The following TMEM178B variants were observed in gnomAD, a reference collection of about 807,000 sequenced individuals.
The protein encoded by TMEM178B is transmembrane protein 178B.
Under a neutral mutation model 31.0 loss-of-function variants are expected in TMEM178B, and 5 were observed. The observed-to-expected ratio is 0.16, with a 90% confidence interval of 0.08 to 0.34. The LOEUF (loss-of-function observed/expected upper bound fraction) is 0.34, where lower values mean the gene tolerates loss of function less well. Ranked by LOEUF, TMEM178B falls within the 10% of genes least tolerant of loss-of-function variation. The probability of loss-of-function intolerance (pLI) is 1.00; values close to 1 mark genes in which losing one functional copy is unlikely to be tolerated. For missense variants in TMEM178B, 275 were observed against 400.3 expected (o/e 0.69, Z 2.67); for synonymous variants, 164 against 164.0 (o/e 1.00, Z 0.00).
chr7:141,489,478 G>T, the TMEM178B span, among the ~76,000 whole-genome samples: 1 of 152,090 alleles, frequency 6.6e-6, no homozygotes, highest in Non-Finnish European at 1.5e-5. Flanking sequence ...TGTTGTTAGC[G>T]ATTTTGAAGG....
intron 1 of TMEM178B, among the ~76,000 whole-genome samples, chr7:141,203,878 G>A (rs7797176): frequency 0.66 from 99,670 of 151,994 alleles, 33,076 homozygotes; most frequent in Middle Eastern, 0.7. Flanking sequence ...GGAAACACAC[G>A]GACTCTCAGA....
At chr7:141,408,084 G>A (rs1479959816) in intron 2 of TMEM178B, among the ~76,000 whole-genome samples, 1 of 152,028 alleles carries the variant, frequency 6.6e-6, no homozygotes, top group Non-Finnish European at 1.5e-5. Flanking sequence ...TTCTGACACT[G>A]AGATTTATTA....
At chr7:141,179,377 T>G (rs1462158065) in intron 1 of TMEM178B, among the ~76,000 whole-genome samples, 2 of 152,206 alleles carry the variant, frequency 1.3e-5, no homozygotes, top group African/African-American at 2.4e-5. Context: ...AAAAAGGGAC[T>G]TTTCTTGGTA....
At chr7:141,424,255 G>A (rs1801273120) in intron 2 of TMEM178B, among the ~76,000 whole-genome samples, 1 of 152,164 alleles carries the variant, frequency 6.6e-6, no homozygotes, top group Non-Finnish European at 1.5e-5. Context: ...ATGCAAAAAA[G>A]GCAATGGTGG....
intron 2 of TMEM178B, among the ~76,000 whole-genome samples, chr7:141,294,440 G>A (rs1798596585): frequency 2.0e-5 from 3 of 152,178 alleles, no homozygotes; most frequent in Non-Finnish European, 2.9e-5. Flanking sequence ...GTGCAAGCAG[G>A]TCTGGCTGGA....
intron 2 of TMEM178B, among the ~76,000 whole-genome samples, chr7:141,401,589 AT>A (rs1437276579): frequency 1.4e-5 from 2 of 143,930 alleles, no homozygotes; most frequent in Non-Finnish European, 3.0e-5. Context: ...CTATTTTTTT[AT>A]TTTTTTATTT....
intron 2 of TMEM178B, among the ~76,000 whole-genome samples, chr7:141,249,334 G>A (rs891945001): frequency 1.2e-4 from 18 of 152,270 alleles, no homozygotes; most frequent in Middle Eastern, 3.4e-3. Flanking sequence ...GCCTTCTGCC[G>A]TGATTGGGAG....
chr7:141,258,095 C>A (rs925202685), intron 2 of TMEM178B, among the ~76,000 whole-genome samples: 5 of 151,476 alleles, frequency 3.3e-5, no homozygotes, highest in African/African-American at 1.2e-4. Context: ...TTAATTCTGG[C>A]AAAATGTGGA....
intron 1 of TMEM178B, among the ~76,000 whole-genome samples, chr7:141,185,741 G>A (rs1436344158): frequency 6.6e-6 from 1 of 152,082 alleles, no homozygotes; most frequent in Non-Finnish European, 1.5e-5. Flanking sequence ...AAACAAAAAT[G>A]CCAGTCCTCA....
At chr7:141,498,382 T>G in the TMEM178B span, among the ~76,000 whole-genome samples, 1 of 152,346 alleles carries the variant, frequency 6.6e-6, no homozygotes. Context: ...GTCTGCCCTG[T>G]GGCCTTCACC....
intron 1 of TMEM178B, among the ~76,000 whole-genome samples, chr7:141,137,698 A>G (rs532314019): frequency 1.3e-5 from 2 of 152,348 alleles, no homozygotes; most frequent in South Asian, 4.1e-4. Context: ...ATACAAAGAA[A>G]TAATAATTGT....
At chr7:141,271,545 A>G (rs1023516621) in intron 2 of TMEM178B, among the ~76,000 whole-genome samples, 1 of 152,064 alleles carries the variant, frequency 6.6e-6, no homozygotes, top group East Asian at 1.9e-4. Flanking sequence ...CTTTTCCTGA[A>G]TCACTCCCTT....
At chr7:141,497,293 G>T in the TMEM178B span, among the ~76,000 whole-genome samples, 1 of 152,186 alleles carries the variant, frequency 6.6e-6, no homozygotes, top group African/African-American at 2.4e-5. Context: ...AGGTTGGAGA[G>T]AAATTTCTGG....
chr7:141,197,743 C>T (rs1796807460), intron 1 of TMEM178B, among the ~76,000 whole-genome samples: 1 of 152,146 alleles, frequency 6.6e-6, no homozygotes, highest in Admixed American at 6.5e-5. Context: ...AGTGATTCTC[C>T]TGCCTCAGCC....
intron 2 of TMEM178B, among the ~76,000 whole-genome samples, chr7:141,419,433 T>G (rs1801160614): frequency 6.6e-6 from 1 of 152,210 alleles, no homozygotes; most frequent in Non-Finnish European, 1.5e-5. Flanking sequence ...ACAGTCTGAC[T>G]GCTTTACTAT....
chr7:141,187,910 A>G (rs1188517407), intron 1 of TMEM178B, among the ~76,000 whole-genome samples: 3 of 151,982 alleles, frequency 2.0e-5, no homozygotes, highest in Admixed American at 6.6e-5. Flanking sequence ...CACTCTGATG[A>G]TAGTTTCTTT....
intron 2 of TMEM178B, among the ~76,000 whole-genome samples, chr7:141,349,563 C>T (rs1052582400): frequency 6.6e-6 from 1 of 152,192 alleles, no homozygotes; most frequent in Non-Finnish European, 1.5e-5. Flanking sequence ...TCCCTGTATT[C>T]AGGAGCTTGC....
Position 141,479,409 on chromosome 7 carries a change from G to T in TMEM178B, c.*8623G>T, listed in dbSNP as rs1178451352. The T allele has an allele frequency of 2.0e-5, 3 of 152,314 alleles. No homozygotes were observed. The East Asian group carries it at 5.8e-4, about 29-fold the overall frequency. 9.4% of individuals were successfully genotyped at this position (152,314 alleles called of 1,614,324 possible). On this transcript the variant is annotated 3_prime_UTR_variant, in exon 4 of 4. Coordinates refer to ENST00000565468, the MANE Select transcript of TMEM178B (RefSeq NM_001195278.2). ...GGGTCTCCTAGGAGGTGGTGGTGTT[G>T]GTGACAAGTTCTACTTGGACTGGGA...
At chr7:141,187,740 C>A (rs1050755728) in intron 1 of TMEM178B, among the ~76,000 whole-genome samples, 1 of 152,136 alleles carries the variant, frequency 6.6e-6, no homozygotes, top group African/African-American at 2.4e-5. Flanking sequence ...TAAATGTCTT[C>A]TTTTGAGAAG....
Sources: allele counts gnomAD v4.1 joint callset (sites outside exome capture counted in the v4.1 genomes callset), GRCh38; gene constraint gnomAD v4.1.1; transcripts MANE v1.5; gene names NCBI Gene and HGNC (gene_info 2026-07-23, HGNC 2026-07-21).